The following GALNT18 variants were observed in gnomAD, a reference collection of about 807,000 sequenced individuals.
GALNT18 encodes the protein GalNAc-transferase 18.
Under a neutral mutation model 69.5 loss-of-function variants are expected in GALNT18, and 44 were observed. The ratio of observed to expected loss-of-function variants is 0.63; its 90% CI spans 0.50 to 0.81. GALNT18 has a LOEUF of 0.81. Ranked by LOEUF, GALNT18 falls within the 40% of genes least tolerant of loss-of-function variation. The pLI is 0.00. For synonymous variants in GALNT18, 364 were observed against 318.2 expected, an observed-to-expected ratio of 1.14 and a Z score of -1.53; for missense variants, 715 against 810.0, an observed-to-expected ratio of 0.88 and a Z score of 1.42.
chr11:11,362,126 T>G (rs560380016), intron 6 of GALNT18, among the ~76,000 whole-genome samples: 1 of 152,136 alleles, frequency 6.6e-6, no homozygotes, highest in African/African-American at 2.4e-5. Flanking sequence ...GTTGACCATA[T>G]AGAAAAATAA....
At chr11:11,335,861 C>A (rs755266068) in intron 7 of GALNT18, among the ~76,000 whole-genome samples, 1 of 152,172 alleles carries the variant, frequency 6.6e-6, no homozygotes, top group Non-Finnish European at 1.5e-5. Flanking sequence ...GAAGGACTCT[C>A]CCCTCGAGAT....
At chr11:11,570,934 A>T (rs1590108097) in intron 1 of GALNT18, among the ~76,000 whole-genome samples, 1 of 152,206 alleles carries the variant, frequency 6.6e-6, no homozygotes, top group African/African-American at 2.4e-5. Flanking sequence ...TATATTAAAG[A>T]CATGAGGTAT....
rs1027762346 is a variant in GALNT18, at chr11:11,432,919, T to C, written c.429-132A>G. 17 of 773,090 alleles carry C rather than the reference T, an allele frequency of 2.2e-5. No homozygotes were observed. The African/African-American group carries it at 2.6e-4, about 12-fold the overall frequency. 47.9% of individuals were successfully genotyped at this position (773,090 alleles called of 1,614,324 possible). ...CAGATTCTTCCAAGGGCCCCTTCTTTGATGCACTTAAGATGAGCCCTAAAT... is the reference window on the plus strand; with the variant it reads ...CAGATTCTTCCAAGGGCCCCTTCTTCGATGCACTTAAGATGAGCCCTAAAT... On this transcript the variant is annotated intron_variant, in intron 2 of 10. Coordinates refer to ENST00000227756, the MANE Select transcript of GALNT18 (RefSeq NM_198516.3). This position sits in a 1 kb window ranked among gnomAD's most constrained non-coding sequence, Gnocchi z 5.8.
At chr11:11,343,245 G>C (rs1457201526) in intron 6 of GALNT18, among the ~76,000 whole-genome samples, 1 of 152,134 alleles carries the variant, frequency 6.6e-6, no homozygotes, top group African/African-American at 2.4e-5. Context: ...CAACTTGGAG[G>C]GTTGAGGCAG....
chr11:11,482,953 C>T (rs1286489687), intron 1 of GALNT18, among the ~76,000 whole-genome samples: 1 of 152,214 alleles, frequency 6.6e-6, no homozygotes, highest in Admixed American at 6.5e-5. Context: ...CAGCCCAGAC[C>T]TACCTCATCA....
intron 1 of GALNT18, among the ~76,000 whole-genome samples, chr11:11,507,272 T>C (rs1308456386): frequency 1.3e-5 from 2 of 152,234 alleles, no homozygotes; most frequent in Non-Finnish European, 2.9e-5. Context: ...AGACTTACTT[T>C]ATATCAGGAA....
At chr11:11,391,746 C>T (rs1854194966) in intron 3 of GALNT18, among the ~76,000 whole-genome samples, 1 of 152,192 alleles carries the variant, frequency 6.6e-6, no homozygotes, top group Non-Finnish European at 1.5e-5. Flanking sequence ...GCTCCAGGGG[C>T]AGGTTAAGTT....
rs1336202635 is a variant in GALNT18 at position 11,604,772 on chromosome 11, T to C, written c.235+16587A>G. ...AATCAGCCTCAATGACAGTTTGGTA[T>C]TAACTAGCTCAGCCATGCAGGGAGG... On this transcript the variant is annotated intron_variant, in intron 1 of 10. Transcript: ENST00000227756. This position sits in a 1 kb window ranked among gnomAD's most constrained non-coding sequence, Gnocchi z 5.6. 6.6e-6 allele frequency among the ~76,000 whole-genome samples: 1 copy of C among 152,154 alleles called. No individual in the cohort carries two copies. The highest frequency in any genetic ancestry group is 1.9e-4 in the East Asian group (1 of 5,186).
chr11:11,533,158 T>C (rs1220384537), intron 1 of GALNT18, among the ~76,000 whole-genome samples: 1 of 152,162 alleles, frequency 6.6e-6, no homozygotes, highest in East Asian at 1.9e-4. Flanking sequence ...GCCTCAGAGA[T>C]ACCTGCCCAT....
intron 1 of GALNT18, among the ~76,000 whole-genome samples, chr11:11,556,585 A>G (rs529214008): frequency 6.6e-6 from 1 of 152,364 alleles, no homozygotes; most frequent in African/African-American, 2.4e-5. Flanking sequence ...TTTGCGTTGC[A>G]AATGAAGTTG....
At chr11:11,535,822 G>A (rs368028308) in intron 1 of GALNT18, among the ~76,000 whole-genome samples, 4 of 152,200 alleles carry the variant, frequency 2.6e-5, no homozygotes, top group African/African-American at 7.2e-5. Flanking sequence ...CCTGGGGACT[G>A]TTGTATGCCA....
intron 1 of GALNT18, among the ~76,000 whole-genome samples, chr11:11,553,686 C>CT (rs990851685): frequency 3.8e-4 from 58 of 152,212 alleles, no homozygotes; most frequent in Middle Eastern, 3.4e-3. Context: ...AAGCTCCCCC[C>CT]CAGCACCCCC....
chr11:11,395,301 G>A (rs764804075), intron 3 of GALNT18, among the ~76,000 whole-genome samples: 1 of 152,234 alleles, frequency 6.6e-6, no homozygotes, highest in African/African-American at 2.4e-5. Flanking sequence ...CCAACCAGGA[G>A]CAGAGGAGCC....
At position 11,555,313 on chromosome 11, in the gene GALNT18, T is replaced by C. The variant is rs1565009856; in HGVS notation, c.235+66046A>G. 6.6e-6 allele frequency among the ~76,000 whole-genome samples: 1 copy of C among 152,150 alleles called. No individual in the cohort carries two copies. Among genetic ancestry groups the C allele is most frequent in the Non-Finnish European group, 1.5e-5 (1 of 68,028 alleles). On this transcript the variant is annotated intron_variant, in intron 1 of 10. Coordinates refer to ENST00000227756, the MANE Select transcript of GALNT18 (RefSeq NM_198516.3). This position sits in a 1 kb window ranked among gnomAD's most constrained non-coding sequence, Gnocchi z 4.7. The stretch of plus-strand genomic sequence containing the variant: ...TTTCAGGAGATCTAGCTAGAGAGCA[T>C]TTTCCTGACACAGTGTAAACGTTTG...
At position 11,590,185 on chromosome 11, in the gene GALNT18, G is replaced by A. The variant is rs1218263535; in HGVS notation, c.235+31174C>T. Among the ~76,000 whole-genome samples the A allele has an allele frequency of 6.6e-6, 1 of 152,242 alleles. No homozygotes were observed. The highest frequency in any genetic ancestry group is 1.5e-5 in the Non-Finnish European group (1 of 68,036). On this transcript the variant is annotated intron_variant, in intron 1 of 10. Coordinates refer to ENST00000227756, the MANE Select transcript of GALNT18 (RefSeq NM_198516.3). This position sits in a 1 kb window ranked among gnomAD's most constrained non-coding sequence, Gnocchi z 4.4. ...CCAGCTTCCCTTGCAGTCAGCGGCT[G>A]CTACATGGCTGATTCTGTGAATAAA...
At chr11:11,390,500 G>T (rs1260682139) in intron 3 of GALNT18, among the ~76,000 whole-genome samples, 1 of 152,172 alleles carries the variant, frequency 6.6e-6, no homozygotes, top group East Asian at 1.9e-4. Context: ...TCCTCTGGGG[G>T]AAGAGTTAAG....
chr11:11,539,958 G>C (rs1857871789), intron 1 of GALNT18, among the ~76,000 whole-genome samples: 2 of 152,212 alleles, frequency 1.3e-5, no homozygotes, highest in South Asian at 4.1e-4. Context: ...GCCTTGCAGG[G>C]GTAAAGGGCA....
chr11:11,608,348 C>G (rs564811118), intron 1 of GALNT18, among the ~76,000 whole-genome samples: 232 of 152,032 alleles, frequency 1.5e-3, no homozygotes, highest in Non-Finnish European at 2.9e-3. Context: ...GGGGTGCTCG[C>G]CTGTCTTTTT....
Position 11,337,668 on chromosome 11 carries a change from G to T in GALNT18, c.1278+3151C>A, listed in dbSNP as rs1850135999. ...CCTGGAGCTGAGTCTCAAAGGATGG[G>T]GAAGATTTAGTAGGGGTGGTCATAC... On this transcript the variant is annotated intron_variant, in intron 7 of 10. Coordinates refer to ENST00000227756, the MANE Select transcript of GALNT18 (RefSeq NM_198516.3). This position sits in a 1 kb window ranked among gnomAD's most constrained non-coding sequence, Gnocchi z 4.9. Among the ~76,000 whole-genome samples, 1 of 152,152 alleles carries T rather than the reference G, an allele frequency of 6.6e-6. No individual in the cohort carries two copies. Among genetic ancestry groups the T allele is most frequent in the South Asian group, 2.1e-4 (1 of 4,822 alleles).
Sources: allele counts gnomAD v4.1 joint callset (sites outside exome capture counted in the v4.1 genomes callset), GRCh38; gene constraint gnomAD v4.1.1; non-coding constraint Gnocchi (gnomAD v3.1); transcripts MANE v1.5; gene names NCBI Gene and HGNC (gene_info 2026-07-23, HGNC 2026-07-21).